The following TMEM135 variants were observed in gnomAD, a reference collection of about 807,000 sequenced individuals.
TMEM135 encodes the protein peroxisomal membrane protein 52.
TMEM135 carries 30 observed loss-of-function variants against 60.3 expected under a neutral mutation model. That is an observed-to-expected ratio of 0.50 (90% CI 0.37 to 0.68). The LOEUF is 0.68. TMEM135 is among the 30% of genes least tolerant of loss of function. The pLI, the probability that TMEM135 is intolerant of heterozygous loss-of-function variation, is 0.00. For missense variants in TMEM135, 468 were observed against 548.8 expected (o/e 0.85, Z 1.47); for synonymous variants, 190 against 186.7 (o/e 1.02, Z -0.14).
chr11:87,071,668 A>T, intron 3 of TMEM135, 53 bp downstream of exon 3: 1 of 1,373,216 alleles, frequency 7.3e-7, no homozygotes, highest in Non-Finnish European at 9.9e-7. Flanking sequence ...CCCTACCCCA[A>T]CTATAATTTT....
At chr11:87,120,168 A>G (rs1370631143) in intron 4 of TMEM135, among the ~76,000 whole-genome samples, 3 of 135,370 alleles carry the variant, frequency 2.2e-5, no homozygotes, top group Non-Finnish European at 4.6e-5. Flanking sequence ...GCTGGGGTGC[A>G]GTGGTGCAAT....
At chr11:87,063,540 GCTTC>G (rs1949968906) in intron 1 of TMEM135, among the ~76,000 whole-genome samples, 1 of 152,206 alleles carries the variant, frequency 6.6e-6, no homozygotes, top group Non-Finnish European at 1.5e-5. Flanking sequence ...TTAGATTAGT[GCTTC>G]CTAACCTTTT....
At chr11:87,074,752 G>C (rs905898620) in intron 3 of TMEM135, among the ~76,000 whole-genome samples, 1 of 152,132 alleles carries the variant, frequency 6.6e-6, no homozygotes, top group Admixed American at 6.5e-5. Flanking sequence ...ACTTCAGCAC[G>C]TATCTCTTAA....
At chr11:87,196,414 A>G (rs1939958918) in intron 5 of TMEM135, among the ~76,000 whole-genome samples, 1 of 152,148 alleles carries the variant, frequency 6.6e-6, no homozygotes, top group Non-Finnish European at 1.5e-5. Context: ...TTAGTTTGGC[A>G]CAGATGCTGA....
intron 11 of TMEM135, among the ~76,000 whole-genome samples, chr11:87,314,048 GT>G (rs1942684488): frequency 2.0e-5 from 3 of 151,780 alleles, no homozygotes; most frequent in South Asian, 2.1e-4. Context: ...AATGAAAGCA[GT>G]GCTATGGAGA....
intron 6 of TMEM135, chr11:87,259,194 G>A (rs1941592940): frequency 2.1e-5 from 11 of 532,784 alleles, no homozygotes; most frequent in South Asian, 1.9e-4. Context: ...CTCCTCCTTA[G>A]TCTTCTCCAC....
intron 3 of TMEM135, among the ~76,000 whole-genome samples, chr11:87,088,613 G>A (rs895839593): frequency 3.9e-5 from 6 of 152,112 alleles, no homozygotes; most frequent in South Asian, 2.1e-4. Flanking sequence ...CTATTAGTTC[G>A]GTCTATTCAG....
At chr11:87,278,522 C>G (rs757088272) in intron 6 of TMEM135, among the ~76,000 whole-genome samples, 2 of 152,004 alleles carry the variant, frequency 1.3e-5, no homozygotes, top group Admixed American at 6.6e-5. Context: ...CCTGCCACCA[C>G]GCCCAGATAA....
intron 1 of TMEM135, among the ~76,000 whole-genome samples, chr11:87,057,076 A>G (rs1285410934): frequency 1.3e-5 from 2 of 152,168 alleles, no homozygotes; most frequent in Admixed American, 1.3e-4. Context: ...TCCCTATATT[A>G]CAAAAATATT....
chr11:87,263,432 A>G (rs967030826), intron 6 of TMEM135, among the ~76,000 whole-genome samples: 1 of 152,026 alleles, frequency 6.6e-6, no homozygotes. Flanking sequence ...GGCTCCTACC[A>G]TTTTTGCTTT....
intron 4 of TMEM135, among the ~76,000 whole-genome samples, chr11:87,111,792 T>G (rs1857759368): frequency 6.6e-6 from 1 of 152,132 alleles, no homozygotes; most frequent in Non-Finnish European, 1.5e-5. Context: ...ATTTTTCCAT[T>G]TAACCTGTCA....
At chr11:87,191,021 T>A (rs578244312) in intron 5 of TMEM135, among the ~76,000 whole-genome samples, 2 of 152,336 alleles carry the variant, frequency 1.3e-5, no homozygotes, top group East Asian at 3.9e-4. Flanking sequence ...TAGGTTCTTA[T>A]GAATCTTCCA....
At chr11:87,100,643 C>G (rs996386012) in intron 4 of TMEM135, among the ~76,000 whole-genome samples, 1 of 152,130 alleles carries the variant, frequency 6.6e-6, no homozygotes, top group Admixed American at 6.5e-5. Context: ...AAGTGGATCA[C>G]CTAAGGTCAG....
intron 1 of TMEM135, among the ~76,000 whole-genome samples, chr11:87,056,246 C>G (rs1486673866): frequency 6.6e-6 from 1 of 152,140 alleles, no homozygotes; most frequent in Non-Finnish European, 1.5e-5. Flanking sequence ...CCGTAAACAT[C>G]CAGAGGCTAG....
At chr11:87,220,339 T>G (rs1232496198) in intron 5 of TMEM135, among the ~76,000 whole-genome samples, 2 of 152,180 alleles carry the variant, frequency 1.3e-5, no homozygotes, top group Non-Finnish European at 2.9e-5. Flanking sequence ...AGTCCTATAT[T>G]TAACACACTA....
At chr11:87,284,943 C>A (rs889451566) in intron 6 of TMEM135, among the ~76,000 whole-genome samples, 2 of 152,074 alleles carry the variant, frequency 1.3e-5, no homozygotes, top group Admixed American at 6.6e-5. Flanking sequence ...ACATGAAAAC[C>A]TTTTGTATGT....
chr11:87,267,920 G>A (rs1941782040), intron 6 of TMEM135, among the ~76,000 whole-genome samples: 1 of 152,022 alleles, frequency 6.6e-6, no homozygotes, highest in Admixed American at 6.6e-5. Context: ...TCGAACTCCT[G>A]ACCTCAGGCA....
chr11:87,202,493 T>C (rs1940136022), intron 5 of TMEM135, among the ~76,000 whole-genome samples: 1 of 152,132 alleles, frequency 6.6e-6, no homozygotes, highest in Non-Finnish European at 1.5e-5. Flanking sequence ...GTCCGGTTAA[T>C]GTATGTGTTT....
In TMEM135 at chr11:87,243,846, T is replaced by C. The variant is rs528795802; in HGVS notation, c.509+7162T>C. Among the ~76,000 whole-genome samples the C allele has an allele frequency of 2.6e-4, 21 of 80,190 alleles. 7 individuals are homozygous for C. The highest frequency in any genetic ancestry group is 5.5e-4 in the Non-Finnish European group (18 of 32,952). The allele number at this position is 80,190 out of a possible 152,430, so 52.6% of individuals were successfully genotyped here. On this transcript the variant is annotated intron_variant, in intron 6 of 14. Coordinates refer to ENST00000305494, the MANE Select transcript of TMEM135 (RefSeq NM_022918.4). ...TCCTAATTGAATACCCTTTATTTCA[T>C]TCTCCTGCCTAATTGCCCTGGCCAG...
Sources: gnomAD v4.1 joint callset for allele counts (sites outside exome capture counted in the v4.1 genomes callset) on GRCh38, gnomAD v4.1.1 for gene constraint, MANE v1.5 for transcripts, NCBI Gene and HGNC (gene_info 2026-07-23, HGNC 2026-07-21) for gene names.